The following CCDC174 variants were observed in gnomAD, a reference collection of about 807,000 sequenced individuals.
The protein encoded by CCDC174 is coiled-coil domain-containing protein 174.
CCDC174 carries 37 observed loss-of-function variants against 57.1 expected under a neutral mutation model. The ratio of observed to expected loss-of-function variants is 0.65; its 90% CI spans 0.50 to 0.85. CCDC174 has a LOEUF of 0.85. Among genes scored for constraint, CCDC174 ranks in the 40% least tolerant of loss-of-function variants. The pLI, the probability that CCDC174 is intolerant of heterozygous loss-of-function variation, is 0.00. For synonymous variants in CCDC174, 182 were observed against 190.2 expected, an observed-to-expected ratio of 0.96 and a Z score of 0.35; for missense variants, 540 against 574.3, an observed-to-expected ratio of 0.94 and a Z score of 0.61.
In CCDC174 at chr3:14,651,827, T is replaced by C; in HGVS notation, c.-10T>C. 1 of 1,614,114 alleles carries C rather than the reference T, an allele frequency of 6.2e-7. No homozygotes were observed. The highest frequency in any genetic ancestry group is 8.5e-7 in the Non-Finnish European group (1 of 1,179,988). ...GGGTCCTTCCTGGACCGGGACCCTC[T>C]GCCACGACCATGGACCGTAGGAAAA... On this transcript the variant is annotated 5_prime_UTR_variant, in exon 1 of 11. Transcript: ENST00000383794.
In CCDC174 at chr3:14,651,774, G is replaced by T. The variant is rs915748051; in HGVS notation, c.-63G>T. The T allele has an allele frequency of 1.2e-5, 19 of 1,559,034 alleles. No homozygotes were observed. Among genetic ancestry groups the T allele is most frequent in the African/African-American group, 2.7e-5 (2 of 73,800 alleles). ...GACACTTCCGGTTGCGACGGAGGTA[G>T]GCTTACGAGGCCTGTGTCGGGTAGA... On this transcript the variant is annotated 5_prime_UTR_variant, in exon 1 of 11. The change creates a new upstream start codon in the 5' untranslated region. Transcript: ENST00000383794.
chr3:14,669,951 C>T lies in CCDC174; in HGVS notation c.970C>T (p.Pro324Ser), dbSNP rs762552936. 1.9e-6 allele frequency: 3 copies of T among 1,613,812 alleles called. 1 individual carries two copies. The South Asian group carries it at 3.3e-5, about 18-fold the overall frequency. The change falls in exon 10 of 11, where the codon CCT becomes TCT. Residue 324 changes from proline to serine, a missense_variant. By Grantham distance (74) the Pro-to-Ser change is moderately conservative. Transcript: ENST00000383794. ...AAAAATAGATGGAGATGTTATTGGGCCTTTGCCACCGGAGCCAGAGGCTGT... is the reference window on the plus strand; with the variant it reads ...AAAAATAGATGGAGATGTTATTGGGTCTTTGCCACCGGAGCCAGAGGCTGT... ...EENRDGDVIG[P>S]LPPEPEAVPT...
chr3:14,654,361 T>C (rs2030877916), intron 1 of CCDC174, 65 bp from the exon 2 acceptor site: 3 of 817,598 alleles, frequency 3.7e-6, no homozygotes, highest in Non-Finnish European at 6.0e-6. Flanking sequence ...GAAATTATAA[T>C]AATTTAGCAA....
chr3:14,659,700 T>A (rs544220751), intron 4 of CCDC174, among the ~76,000 whole-genome samples: 1 of 144,332 alleles, frequency 6.9e-6, no homozygotes, highest in South Asian at 2.2e-4. Flanking sequence ...ACCCTATCTC[T>A]AAAAAAAAAA....
In CCDC174 at chr3:14,658,141, C is replaced by T. The variant is rs577589837; in HGVS notation, c.249-730C>T. 1.6e-4 allele frequency among the ~76,000 whole-genome samples: 25 copies of T among 152,374 alleles called. No individual in the cohort carries two copies. In the South Asian group the frequency reaches 5.2e-3, roughly 32 times the overall value. ...TCTCACAGTCTCAGGTCCTCCTTTTCATTCCTTTCTTTATTGTCCTTCTCC... is the reference window on the plus strand; with the variant it reads ...TCTCACAGTCTCAGGTCCTCCTTTTTATTCCTTTCTTTATTGTCCTTCTCC... On this transcript the variant is annotated intron_variant, in intron 3 of 10. Transcript: ENST00000383794.
chr3:14,659,298 G>A (rs2031054060), intron 4 of CCDC174, among the ~76,000 whole-genome samples: 1 of 152,060 alleles, frequency 6.6e-6, no homozygotes, highest in South Asian at 2.1e-4. Context: ...GGTTGGGCTG[G>A]GTGGAATTGT....
chr3:14,668,640 T>C (rs2031418664), intron 9 of CCDC174, among the ~76,000 whole-genome samples: 1 of 152,060 alleles, frequency 6.6e-6, no homozygotes, highest in Admixed American at 6.6e-5. Flanking sequence ...AAGTTGGTGA[T>C]GTGGAACTTG....
At chr3:14,657,349 G>A (rs1013884269) in intron 3 of CCDC174, among the ~76,000 whole-genome samples, 2 of 152,226 alleles carry the variant, frequency 1.3e-5, no homozygotes, top group African/African-American at 4.8e-5. Flanking sequence ...TCTATGAAGT[G>A]AGGTGGTTAA....
intron 1 of CCDC174, among the ~76,000 whole-genome samples, 168 bp downstream of exon 1, chr3:14,652,046 A>G (rs2030787352): frequency 6.6e-6 from 1 of 152,180 alleles, no homozygotes; most frequent in Admixed American, 6.5e-5. Context: ...GATCCGGTTC[A>G]GTTTTCTTAC....
rs545101433 is a variant in CCDC174 at position 14,664,009 on chromosome 3, C to G, written c.486-1019C>G. On this transcript the variant is annotated intron_variant, in intron 5 of 10. Transcript: ENST00000383794. Reference sequence around the variant, plus strand: ...CGTAAAGATACTGTAAATAATTACACAGACCATCTGGCTAGATGGTTTTCT... The same window carrying G: ...CGTAAAGATACTGTAAATAATTACAGAGACCATCTGGCTAGATGGTTTTCT... Among the ~76,000 whole-genome samples, 7 of 152,234 alleles carry G rather than the reference C, an allele frequency of 4.6e-5. No individual in the cohort carries two copies. The East Asian group carries it at 1.2e-3, about 25-fold the overall frequency.
intron 4 of CCDC174, among the ~76,000 whole-genome samples, chr3:14,660,930 G>A (rs1202855879): frequency 6.6e-6 from 1 of 152,008 alleles, no homozygotes; most frequent in Admixed American, 6.5e-5. Context: ...TTAGCTCCTC[G>A]AGTGGACCAT....
At chr3:14,663,628 C>T (rs995501709) in intron 5 of CCDC174, among the ~76,000 whole-genome samples, 3 of 152,106 alleles carry the variant, frequency 2.0e-5, no homozygotes, top group South Asian at 2.1e-4. Flanking sequence ...TAGATGGAGC[C>T]GTGGCTGACT....
chr3:14,671,021 T>G lies in CCDC174; in HGVS notation c.1231T>G (p.Trp411Gly). 3.1e-6 allele frequency: 5 copies of G among 1,614,202 alleles called. No individual in the cohort carries two copies. Among genetic ancestry groups the G allele is most frequent in the South Asian group, 2.2e-5 (2 of 91,078 alleles). Residue 411 changes from tryptophan to glycine, a missense_variant, in exon 11 of 11, where the codon TGG becomes GGG. By Grantham distance (184) the Trp-to-Gly change is radical. Coordinates refer to ENST00000383794, the MANE Select transcript of CCDC174 (RefSeq NM_016474.5). ...KRTGFSSSQAWSRPGPAQSDP... is the reference protein window; with the variant it reads ...KRTGFSSSQAGSRPGPAQSDP... ...AACTGGTTTTTCCAGCAGCCAGGCATGGAGCAGACCTGGGCCAGCACAGAG... is the reference window on the plus strand; with the variant it reads ...AACTGGTTTTTCCAGCAGCCAGGCAGGGAGCAGACCTGGGCCAGCACAGAG...
rs1377336004 is a variant in CCDC174, at chr3:14,668,124, CTT to C, written c.896_897del (p.Leu299ProfsTer18). The C allele has an allele frequency of 6.2e-7, 1 of 1,609,672 alleles. No homozygotes were observed. Among genetic ancestry groups the C allele is most frequent in the Non-Finnish European group, 8.5e-7 (1 of 1,178,078 alleles). On this transcript the variant is annotated frameshift_variant, in exon 9 of 11. Transcript: ENST00000383794. LOFTEE classifies it high-confidence loss of function. Reference sequence around the variant, plus strand: ...TATCTTAGAGGCAAGACTTGCCAAACTTCGACAAAAAAAGATGAAAAAATCAA... The same window carrying C: ...TATCTTAGAGGCAAGACTTGCCAAACCGACAAAAAAAGATGAAAAAATCAA... ...KAILEARLAK[L>X]RQKKMKKSKE...
rs777272028 is a variant in CCDC174, at chr3:14,671,243, C to T, written c.*49C>T. Reference sequence around the variant, plus strand: ...GTTTGTACTTTGACAGTGCCTTTCTCTCCCAGAGGGAGAAATAACTTTAGG... The same window carrying T: ...GTTTGTACTTTGACAGTGCCTTTCTTTCCCAGAGGGAGAAATAACTTTAGG... On this transcript the variant is annotated 3_prime_UTR_variant, in exon 11 of 11. Coordinates refer to ENST00000383794, the MANE Select transcript of CCDC174 (RefSeq NM_016474.5). 1.3e-6 allele frequency: 2 copies of T among 1,519,368 alleles called. No individual in the cohort carries two copies. The highest frequency in any genetic ancestry group is 1.8e-6 in the Non-Finnish European group (2 of 1,116,342). The allele number at this position is 1,519,368 out of a possible 1,614,324, so 94.1% of individuals were successfully genotyped here.
chr3:14,662,114 TAGG>T (rs1487286185), intron 5 of CCDC174, among the ~76,000 whole-genome samples: 1 of 152,178 alleles, frequency 6.6e-6, no homozygotes, highest in Non-Finnish European at 1.5e-5. Context: ...AGCTGTCATC[TAGG>T]AGAAGGAAGC....
intron 4 of CCDC174, among the ~76,000 whole-genome samples, chr3:14,660,899 G>A (rs13089154): frequency 0.44 from 66,412 of 152,156 alleles, 16,474 homozygotes; most frequent in South Asian, 0.65. Flanking sequence ...ATGGATTGTT[G>A]TTTAACTTTC....
chr3:14,659,895 G>A (rs189649806), intron 4 of CCDC174, among the ~76,000 whole-genome samples: 23 of 152,320 alleles, frequency 1.5e-4, no homozygotes, highest in African/African-American at 5.5e-4. Flanking sequence ...AAGCAGACCA[G>A]CTGAGGAGGG....
chr3:14,653,733 A>G (rs2030857142), intron 1 of CCDC174, among the ~76,000 whole-genome samples: 1 of 152,086 alleles, frequency 6.6e-6, no homozygotes, highest in Non-Finnish European at 1.5e-5. Context: ...AGCCAAGCTT[A>G]CGGTTTTTGA....
Sources: gnomAD v4.1 joint callset for allele counts (sites outside exome capture counted in the v4.1 genomes callset) on GRCh38, gnomAD v4.1.1 for gene constraint, MANE v1.5 for transcripts, NCBI Gene and HGNC (gene_info 2026-07-23, HGNC 2026-07-21) for gene names.